SNX29: variants seen among roughly 807,000 people sequenced by gnomAD.
SNX29 encodes sorting nexin-29.
A neutral mutation model predicts 102.1 loss-of-function variants in SNX29; 78 were observed. That is an observed-to-expected ratio of 0.76 (90% CI 0.64 to 0.92). SNX29 has a LOEUF of 0.92. Ranked by LOEUF, SNX29 falls within the 40% of genes least tolerant of loss-of-function variation. The pLI is 0.00. For synonymous variants in SNX29, 580 were observed against 414.5 expected (o/e 1.40, Z -4.85); for missense variants, 1,280 against 1,061.7 (o/e 1.21, Z -2.86).
intron 14 of SNX29, among the ~76,000 whole-genome samples, chr16:12,260,621 T>G (rs2078705823): frequency 9.6e-6 from 1 of 104,656 alleles, no homozygotes; most frequent in African/African-American, 3.6e-5. Flanking sequence ...CTTCTCCGTC[T>G]GCTTGCTCTC....
intron 11 of SNX29, among the ~76,000 whole-genome samples, chr16:12,109,004 T>C (rs2141251253): frequency 6.6e-6 from 1 of 151,744 alleles, no homozygotes; most frequent in South Asian, 2.1e-4. Context: ...GACAGGCTCC[T>C]GTAACCCCAG....
intron 18 of SNX29, among the ~76,000 whole-genome samples, chr16:12,410,045 A>G (rs1026066632): frequency 2.0e-5 from 3 of 151,714 alleles, no homozygotes; most frequent in Non-Finnish European, 4.4e-5. Context: ...CCCAGGCTGG[A>G]GTGCAGTAGC....
intron 20 of SNX29, chr16:12,546,268 T>C (rs1476228575): frequency 6.6e-6 from 1 of 152,228 alleles, no homozygotes; most frequent in Non-Finnish European, 1.5e-5. Flanking sequence ...TACAACTGTA[T>C]TAGTCCGTTT....
chr16:12,535,551 G>A (rs76836574), intron 20 of SNX29, among the ~76,000 whole-genome samples: 1,979 of 152,274 alleles, frequency 0.013, 36 homozygotes, highest in African/African-American at 0.046. Flanking sequence ...CAGCTGGGAC[G>A]TGGCAGCATG....
chr16:12,483,122 T>TTTTTTTTG (rs1567610237), intron 19 of SNX29, among the ~76,000 whole-genome samples: 7 of 107,194 alleles, frequency 6.5e-5, no homozygotes, highest in Non-Finnish European at 5.5e-5. Flanking sequence ...AAGTTTTTTT[T>TTTTTTTTG]TTTTTTTTTT....
intron 19 of SNX29, among the ~76,000 whole-genome samples, chr16:12,504,004 C>G (rs748317817): frequency 2.6e-5 from 4 of 152,118 alleles, no homozygotes; most frequent in Non-Finnish European, 5.9e-5. Context: ...TAGAAAATTT[C>G]ATCACCACCA....
intron 11 of SNX29, among the ~76,000 whole-genome samples, chr16:12,091,010 A>G (rs1262809060): frequency 1.0e-5 from 1 of 97,532 alleles, no homozygotes; most frequent in Non-Finnish European, 1.9e-5. Context: ...GTGAGACTTC[A>G]TCTCAAAAAA....
At chr16:12,467,578 A>G (rs1332470152) in intron 18 of SNX29, among the ~76,000 whole-genome samples, 1 of 151,574 alleles carries the variant, frequency 6.6e-6, no homozygotes, top group East Asian at 1.9e-4. Flanking sequence ...GCCTGCATCC[A>G]CTCTGACCTG....
intron 20 of SNX29, among the ~76,000 whole-genome samples, chr16:12,557,020 C>T (rs1210063208): frequency 2.7e-5 from 1 of 37,206 alleles, no homozygotes; most frequent in Non-Finnish European, 7.4e-5. Context: ...AATTTACCCC[C>T]CCCCCGCCCC....
chr16:12,553,637 C>T (rs1460665527), intron 20 of SNX29, among the ~76,000 whole-genome samples: 2 of 138,474 alleles, frequency 1.4e-5, no homozygotes, highest in Admixed American at 8.1e-5. Context: ...GTTGCCCAGG[C>T]TGGAGTGCAA....
At chr16:12,511,602 T>C (rs957973029) in intron 19 of SNX29, among the ~76,000 whole-genome samples, 1 of 152,158 alleles carries the variant, frequency 6.6e-6, no homozygotes, top group African/African-American at 2.4e-5. Flanking sequence ...TGCAGTGAAG[T>C]TTTGATTTAG....
At chr16:12,273,358 T>G (rs1006868856) in intron 14 of SNX29, among the ~76,000 whole-genome samples, 2 of 151,018 alleles carry the variant, frequency 1.3e-5, no homozygotes, top group African/African-American at 4.9e-5. Context: ...TTTTTTTTGT[T>G]GTTGTTTGTT....
chr16:12,558,892 C>T (rs12162086), intron 20 of SNX29, among the ~76,000 whole-genome samples: 2 of 152,140 alleles, frequency 1.3e-5, no homozygotes, highest in Non-Finnish European at 2.9e-5. Flanking sequence ...CCTGAGTTTG[C>T]TTCAGGGCCT....
Position 12,042,998 on chromosome 16 carries a change from G to T in SNX29, c.349G>T (p.Ala117Ser). The stretch of plus-strand genomic sequence containing the variant: ...CGCCTCAGACGTGGGCCGGGGTCGC[G>T]CCTGGCTGCGCTGTGCCCTCAACGA... ...HIASDVGRGR[A>S]WLRCALNEHS... Residue 117 changes from alanine (A) to serine (S), a missense_variant, in exon 5 of 21, where the codon GCC becomes TCC. Ala to Ser is a moderately conservative substitution (Grantham distance 99). Transcript: ENST00000566228. 9 of 1,613,670 alleles carry T rather than the reference G, an allele frequency of 5.6e-6. No homozygotes were observed. Among genetic ancestry groups the T allele is most frequent in the Non-Finnish European group, 6.8e-6 (8 of 1,179,850 alleles).
chr16:12,035,141 G>A (rs1354017160), intron 4 of SNX29, among the ~76,000 whole-genome samples: 3 of 151,774 alleles, frequency 2.0e-5, no homozygotes, highest in Admixed American at 6.6e-5. Flanking sequence ...TTCAGCTCAT[G>A]ATGGCGTATG....
chr16:12,507,804 T>C (rs1463374265), intron 19 of SNX29, among the ~76,000 whole-genome samples: 5 of 152,212 alleles, frequency 3.3e-5, no homozygotes, highest in African/African-American at 1.2e-4. Context: ...CCATGTGGTT[T>C]GCATTAAACT....
chr16:12,058,587 G>A (rs1166761910), intron 8 of SNX29, among the ~76,000 whole-genome samples: 1 of 142,742 alleles, frequency 7.0e-6, no homozygotes, highest in African/African-American at 2.6e-5. Context: ...TCCGCCTCTC[G>A]AGTTCAAGTG....
intron 13 of SNX29, among the ~76,000 whole-genome samples, chr16:12,179,300 G>A (rs1267329297): frequency 2.6e-5 from 4 of 152,196 alleles, no homozygotes; most frequent in African/African-American, 7.2e-5. Flanking sequence ...ACTGGGCAAC[G>A]TGGCGAAGCC....
chr16:12,153,733 C>T (rs542780703), intron 13 of SNX29, among the ~76,000 whole-genome samples: 1 of 152,080 alleles, frequency 6.6e-6, no homozygotes, highest in East Asian at 1.9e-4. Flanking sequence ...CCATCTCAGC[C>T]TCCCAAAGTG....
Sources: allele counts gnomAD v4.1 joint callset (sites outside exome capture counted in the v4.1 genomes callset), GRCh38; gene constraint gnomAD v4.1.1; transcripts MANE v1.5; gene names NCBI Gene and HGNC (gene_info 2026-07-23, HGNC 2026-07-21).